Variants in FLRT2 observed in about 807,000 individuals in gnomAD.
The protein encoded by FLRT2 is fibronectin leucine rich transmembrane protein 2.
In FLRT2, 15 loss-of-function variants were observed where a neutral mutation model predicts 40.0. The ratio of observed to expected loss-of-function variants is 0.38; its 90% CI spans 0.25 to 0.58. FLRT2 has a LOEUF of 0.58. Ranked by LOEUF, FLRT2 falls within the 20% of genes least tolerant of loss-of-function variation. FLRT2 has a pLI of 0.71. For missense variants in FLRT2, 726 were observed against 840.0 expected, an observed-to-expected ratio of 0.86 and a Z score of 1.68; for synonymous variants, 380 against 336.8, an observed-to-expected ratio of 1.13 and a Z score of -1.41.
intron 1 of FLRT2, among the ~76,000 whole-genome samples, chr14:85,565,209 G>C (rs1192798645): frequency 6.6e-6 from 1 of 152,270 alleles, no homozygotes; most frequent in East Asian, 1.9e-4. Context: ...AAGCCTTCCT[G>C]ACCCAAATAG....
intron 1 of FLRT2, among the ~76,000 whole-genome samples, chr14:85,535,951 G>T: frequency 1.0e-5 from 1 of 99,900 alleles, no homozygotes; most frequent in Non-Finnish European, 1.8e-5. Flanking sequence ...TTGTTTTAAA[G>T]CCCATGTCTT....
chr14:85,587,846 T>A (rs1891693748), intron 1 of FLRT2, among the ~76,000 whole-genome samples: 1 of 152,188 alleles, frequency 6.6e-6, no homozygotes, highest in Admixed American at 6.5e-5. Context: ...TATTGTCTAA[T>A]CACCTGGTTA....
rs768687035 is a variant in FLRT2 at position 85,621,780 on chromosome 14, C to T, written c.266C>T (p.Ser89Leu). 6.2e-6 allele frequency: 10 copies of T among 1,614,090 alleles called. No homozygotes were observed. The highest frequency in any genetic ancestry group is 1.7e-5 in the Admixed American group (1 of 60,008). Residue 89 changes from serine (S) to leucine (L), a missense_variant, in exon 2 of 2, where the codon TCG becomes TTG. Coordinates refer to ENST00000330753, the MANE Select transcript of FLRT2 (RefSeq NM_013231.6). ...CCTGCAGAACTGCACAATGTACAGTCGGTGCACACGGTCTACCTGTATGGC... is the reference window on the plus strand; with the variant it reads ...CCTGCAGAACTGCACAATGTACAGTTGGTGCACACGGTCTACCTGTATGGC... ...GFPAELHNVQ[S>L]VHTVYLYGNQ... is the part of the protein sequence containing the mutation.
chr14:85,557,169 T>C (rs1489128160), intron 1 of FLRT2, among the ~76,000 whole-genome samples: 22 of 151,998 alleles, frequency 1.4e-4, no homozygotes, highest in Admixed American at 1.4e-3. Context: ...AGTCAAACCA[T>C]ATCAGATGTT....
chr14:85,531,326 C>T (rs1888259263), intron 1 of FLRT2: 1 of 152,466 alleles, frequency 6.6e-6, no homozygotes, highest in Non-Finnish European at 1.5e-5. Flanking sequence ...CTGGAGCAGG[C>T]CTTGCCAGCT....
At chr14:85,556,459 T>C (rs945339339) in intron 1 of FLRT2, among the ~76,000 whole-genome samples, 1 of 152,192 alleles carries the variant, frequency 6.6e-6, no homozygotes, top group Admixed American at 6.5e-5. Context: ...GGAGGACACA[T>C]GTTTCTGGGA....
intron 1 of FLRT2, among the ~76,000 whole-genome samples, chr14:85,569,535 G>T (rs1170819233): frequency 6.6e-6 from 1 of 152,184 alleles, no homozygotes; most frequent in Non-Finnish European, 1.5e-5. Flanking sequence ...AGAGATAAAT[G>T]TTAGAGACAA....
intron 1 of FLRT2, among the ~76,000 whole-genome samples, chr14:85,549,246 A>G (rs560117861): frequency 5.4e-4 from 82 of 152,064 alleles, no homozygotes; most frequent in African/African-American, 1.8e-3. Context: ...CACTTAAGCC[A>G]TCCATGGATG....
intron 1 of FLRT2, among the ~76,000 whole-genome samples, chr14:85,610,540 G>A (rs1040580610): frequency 6.6e-6 from 1 of 152,148 alleles, no homozygotes; most frequent in African/African-American, 2.4e-5. Flanking sequence ...AAAACTCTTG[G>A]CCCTATTTCT....
chr14:85,622,061 C>A lies in FLRT2; in HGVS notation c.547C>A (p.Gln183Lys), dbSNP rs1258455072. ...GCCTGTTGGGCTTCCTGTGGACTTG[C>A]AAGAGCTGAGAGTGGATGAAAATCG... ...SVPVGLPVDL[Q>K]ELRVDENRIA... The change falls in exon 2 of 2, where the codon CAA (glutamine) becomes AAA (lysine). Residue 183 changes from glutamine to lysine, a missense_variant. By Grantham distance (53) the Gln-to-Lys change is moderately conservative (BLOSUM62 1). Around this residue, in one of 3 missense-constraint regions of FLRT2, gnomAD observed 611 missense variants for 690.0 expected, o/e 0.89. Coordinates refer to ENST00000330753, the MANE Select transcript of FLRT2 (RefSeq NM_013231.6). 6 of 1,613,990 alleles carry A rather than the reference C, an allele frequency of 3.7e-6. No homozygotes were observed. Among genetic ancestry groups the A allele is most frequent in the Non-Finnish European group, 5.1e-6 (6 of 1,179,966 alleles).
chr14:85,575,553 T>A (rs1891094076), intron 1 of FLRT2, among the ~76,000 whole-genome samples: 1 of 152,110 alleles, frequency 6.6e-6, no homozygotes, highest in Non-Finnish European at 1.5e-5. Flanking sequence ...CAAAGGGTAG[T>A]CAGTGGGGAA....
chr14:85,551,578 A>G (rs985620), intron 1 of FLRT2: 144,375 of 152,282 alleles, frequency 0.95, 68,473 homozygotes, highest in Middle Eastern at 0.97. Context: ...TGTATCCTAA[A>G]TTCTTTACTA....
chr14:85,643,340 TTTCTTTC>T lies in FLRT2; in HGVS notation c.*19846_*19852del, dbSNP rs1263548590. The T allele has an allele frequency of 5.7e-5, 5 of 87,260 alleles. No individual in the cohort carries two copies. The highest frequency in any genetic ancestry group is 2.0e-4 in the African/African-American group (5 of 24,560). 5.4% of individuals were successfully genotyped at this position (87,260 alleles called of 1,614,324 possible). On this transcript the variant is annotated 3_prime_UTR_variant, in exon 2 of 2. Transcript: ENST00000330753. ...CTTTCTTTCTTTCTTTCTTTCTTTC[TTTCTTTC>T]TTTCTTTCTTCCTTCCTTCCTTCCT...
At chr14:85,605,550 C>A (rs1343739542) in intron 1 of FLRT2, among the ~76,000 whole-genome samples, 1 of 152,164 alleles carries the variant, frequency 6.6e-6, no homozygotes, top group African/African-American at 2.4e-5. Flanking sequence ...GCGGACAGAT[C>A]ACAAGGTCAG....
intron 1 of FLRT2, among the ~76,000 whole-genome samples, chr14:85,548,230 C>T (rs1009393488): frequency 6.6e-6 from 1 of 152,132 alleles, no homozygotes; most frequent in African/African-American, 2.4e-5. Flanking sequence ...ATGCTACTTC[C>T]CATTAGATTT....
chr14:85,586,886 G>T (rs1032358175), intron 1 of FLRT2, among the ~76,000 whole-genome samples: 4 of 152,170 alleles, frequency 2.6e-5, no homozygotes, highest in African/African-American at 9.6e-5. Context: ...CTCAAAGTCA[G>T]AAGAAAGAAG....
At chr14:85,619,239 G>A (rs1183506548) in intron 1 of FLRT2, among the ~76,000 whole-genome samples, 2 of 151,554 alleles carry the variant, frequency 1.3e-5, no homozygotes, top group Non-Finnish European at 2.9e-5. Context: ...TCATACCACC[G>A]CACCTGGCTA....
chr14:85,535,162 G>A (rs2139798703), intron 1 of FLRT2, among the ~76,000 whole-genome samples: 1 of 152,312 alleles, frequency 6.6e-6, no homozygotes, highest in Middle Eastern at 3.4e-3. Context: ...CAGCTGGGAG[G>A]CTCTTTAATC....
rs763583626 is a variant in FLRT2 at position 85,637,756 on chromosome 14, C to T, written c.*14259C>T. 2 of 152,182 alleles carry T rather than the reference C, an allele frequency of 1.3e-5. No individual in the cohort carries two copies. The highest frequency in any genetic ancestry group is 1.5e-5 in the Non-Finnish European group (1 of 68,042). 9.4% of individuals were successfully genotyped at this position (152,182 alleles called of 1,614,324 possible). ...ACTTGTCTTAAAGGAAGATTTGAAA[C>T]ATAATAGTTTCCTTTGCGCTTCTGT... On this transcript the variant is annotated 3_prime_UTR_variant, in exon 2 of 2. Coordinates refer to ENST00000330753, the MANE Select transcript of FLRT2 (RefSeq NM_013231.6).
Sources: gnomAD v4.1 joint callset for allele counts (sites outside exome capture counted in the v4.1 genomes callset) on GRCh38, gnomAD v4.1.1 for gene constraint, gnomAD v4.1.1 regional missense constraint, MANE v1.5 for transcripts, NCBI Gene and HGNC (gene_info 2026-07-23, HGNC 2026-07-21) for gene names.